SLC25A29: variants seen among roughly 807,000 people sequenced by gnomAD.
SLC25A29 encodes mitochondrial basic amino acids transporter.
In SLC25A29, 13 loss-of-function variants were observed where a neutral mutation model predicts 10.0. The observed-to-expected ratio is 1.30, with a 90% CI of 0.85 to 2.07. SLC25A29 has a LOEUF of 2.07. Among genes scored for constraint, SLC25A29 ranks in the 30% most tolerant of loss-of-function variants. The probability of loss-of-function intolerance (pLI) is 0.00; values close to 1 mark genes in which losing one functional copy is unlikely to be tolerated. For synonymous variants in SLC25A29, 244 were observed against 221.1 expected (o/e 1.10, Z -0.92); for missense variants, 475 against 447.6 (o/e 1.06, Z -0.55).
intron 1 of SLC25A29, 22 bp downstream of exon 1, chr14:100,306,167 CCCCGGCCCGG>C: frequency 1.4e-6 from 2 of 1,443,796 alleles, no homozygotes; most frequent in South Asian, 1.3e-5. Context: ...GGACGCCTCG[CCCCGGCCCGG>C]CCCGGCCCGC....
the SLC25A29 span, among the ~76,000 whole-genome samples, chr14:100,285,062 C>G: frequency 6.8e-6 from 1 of 147,328 alleles, no homozygotes. Flanking sequence ...GGCGGGGTAG[C>G]TAGGGAGGGA....
chr14:100,293,006 GC>G lies in SLC25A29; in HGVS notation c.188del (p.Gly63AlafsTer284). ...TGAAGGTGAGCCCCATGAGCGGCGA[GC>G]CCAGGCCCTTGTACAGGCCCAGCAC... is the stretch of plus-strand genomic sequence containing the variant. Reference protein sequence around the residue: ...ESVLGLYKGLGSPLMGLTFIN... With the variant: ...ESVLGLYKGLXSPLMGLTFIN... On this transcript the variant is annotated frameshift_variant, in exon 4 of 4. Coordinates refer to ENST00000359232, the MANE Select transcript of SLC25A29 (RefSeq NM_001039355.3). LOFTEE classifies it low-confidence loss of function (END_TRUNC). 6.3e-7 allele frequency: 1 copy of G among 1,578,036 alleles called. No homozygotes were observed. Among genetic ancestry groups the G allele is most frequent in the Non-Finnish European group, 8.6e-7 (1 of 1,163,396 alleles).
chr14:100,302,826 C>G (rs1059264), intron 1 of SLC25A29, among the ~76,000 whole-genome samples: 1 of 150,596 alleles, frequency 6.6e-6, no homozygotes, highest in Non-Finnish European at 1.5e-5. Context: ...TGTGGGAGGT[C>G]GCTGAGATTT....
At chr14:100,295,798 A>G in intron 2 of SLC25A29, 1 of 1,289,212 alleles carries the variant, frequency 7.8e-7, no homozygotes, top group Non-Finnish European at 1.0e-6. Flanking sequence ...TCCCCATCCC[A>G]TGCCCAGGGA....
At chr14:100,285,568 A>AGCC in the SLC25A29 span, among the ~76,000 whole-genome samples, 3 of 151,506 alleles carry the variant, frequency 2.0e-5, no homozygotes, top group Admixed American at 1.3e-4. Context: ...GGTCCCCGCG[A>AGCC]GCCGCCGCCG....
chr14:100,289,702 G>A (rs1019661203), downstream of SLC25A29, among the ~76,000 whole-genome samples: 1 of 151,880 alleles, frequency 6.6e-6, no homozygotes, highest in Admixed American at 6.6e-5. Flanking sequence ...CATTTGCCAG[G>A]TGTGGTGGTG....
intron 2 of SLC25A29, among the ~76,000 whole-genome samples, chr14:100,296,699 C>T (rs145714326): frequency 0.023 from 3,573 of 152,160 alleles, 83 homozygotes; most frequent in African/African-American, 0.062. Flanking sequence ...CCCGGATTCA[C>T]GCCATTCTCC....
Position 100,306,189 on chromosome 14 carries a change from G to A in SLC25A29, c.34+10C>T. The A allele has an allele frequency of 6.7e-7, 1 of 1,489,934 alleles. No individual in the cohort carries two copies. Among genetic ancestry groups the A allele is most frequent in the Non-Finnish European group, 8.9e-7 (1 of 1,126,590 alleles). 92.3% of individuals were successfully genotyped at this position (1,489,934 alleles called of 1,614,324 possible). A position where few individuals can be genotyped will look rare whatever the true frequency, so the allele number is the denominator to read the frequency against. ...TCGCCCCGGCCCGGCCCGGCCCGCC[G>A]CCTCCTTACCCCCCGCGCATCCAGC... On this transcript the variant is annotated intron_variant, in intron 1 of 3. Coordinates refer to ENST00000359232, the MANE Select transcript of SLC25A29 (RefSeq NM_001039355.3).
chr14:100,288,650 C>T (rs1891595064), downstream of SLC25A29, among the ~76,000 whole-genome samples: 3 of 151,434 alleles, frequency 2.0e-5, no homozygotes, highest in African/African-American at 7.3e-5. Flanking sequence ...CAGCTACAGC[C>T]TAGTGGTATC....
chr14:100,284,243 TCTC>T, the SLC25A29 span, among the ~76,000 whole-genome samples: 3 of 152,248 alleles, frequency 2.0e-5, no homozygotes, highest in Non-Finnish European at 2.9e-5. Context: ...TAGCTTGAAT[TCTC>T]CTCCAGTCCC....
At chr14:100,294,964 G>A (rs1431102617) in intron 2 of SLC25A29, 1 of 152,312 alleles carries the variant, frequency 6.6e-6, no homozygotes, top group Admixed American at 6.5e-5. Flanking sequence ...GGGGCCTCTG[G>A]GGGGATCTCT....
At position 100,292,938 on chromosome 14, in the gene SLC25A29, G is replaced by C. The variant is rs773118795; in HGVS notation, c.257C>G (p.Ala86Gly). ...VFGVQGNTLR[A>G]LGHDSPLNQF... ...GTTGAGGGGCGAGTCGTGGCCCAGG[G>C]CCCGGAGGGTGTTGCCCTGCACCCC... Residue 86 changes from alanine to glycine, a missense_variant, in exon 4 of 4, where the codon GCC becomes GGC. Transcript: ENST00000359232. 1 of 1,607,042 alleles carries C rather than the reference G, an allele frequency of 6.2e-7. No homozygotes were observed. Among genetic ancestry groups the C allele is most frequent in the Admixed American group, 1.7e-5 (1 of 59,484 alleles).
the SLC25A29 span, among the ~76,000 whole-genome samples, chr14:100,283,771 G>A: frequency 1.3e-5 from 2 of 152,118 alleles, no homozygotes; most frequent in East Asian, 3.8e-4. Flanking sequence ...GTGAACCACC[G>A]TGCCTGGCCT....
Position 100,293,051 on chromosome 14 carries a change from C to A in SLC25A29, c.163-19G>T. The A allele has an allele frequency of 1.3e-6, 2 of 1,512,612 alleles. No individual in the cohort carries two copies. Among genetic ancestry groups the A allele is most frequent in the Non-Finnish European group, 1.8e-6 (2 of 1,135,194 alleles). The allele number at this position is 1,512,612 out of a possible 1,614,324, so 93.7% of individuals were successfully genotyped here. ...CCAGCACCTGCGGGGACAGAGACGC[C>A]ATCAGAGCCGGCAACGCGCACCTCC... On this transcript the variant is annotated intron_variant, in intron 3 of 3. Transcript: ENST00000359232.
intron 1 of SLC25A29, chr14:100,299,623 A>G (rs1470064885): frequency 5.1e-6 from 5 of 985,624 alleles, no homozygotes; most frequent in Middle Eastern, 5.2e-4. Flanking sequence ...AATGGCTCAC[A>G]AACACTTCTC....
intron 1 of SLC25A29, among the ~76,000 whole-genome samples, chr14:100,302,516 C>T (rs1309093989): frequency 6.6e-6 from 1 of 152,008 alleles, no homozygotes; most frequent in Non-Finnish European, 1.5e-5. Context: ...CGTGCCACCA[C>T]ACCCAGTTAA....
At chr14:100,281,485 A>G in the SLC25A29 span, 1 of 152,162 alleles carries the variant, frequency 6.6e-6, no homozygotes, top group Non-Finnish European at 1.5e-5. Context: ...ACTGACAGTA[A>G]TGTGAGCGCA....
In SLC25A29 at chr14:100,292,827, T is replaced by C; in HGVS notation, c.368A>G (p.Gln123Arg). ...MELAKTRLQL[Q>R]DAGPARTYKG... ...GTAGGTGCGCGCTGGGCCCGCGTCC[T>C]GCAGCTGCAGCCGCGTCTTGGCCAG... Residue 123 changes from glutamine to arginine, a missense_variant, in exon 4 of 4, where the codon CAG (glutamine) becomes CGG (arginine). Transcript: ENST00000359232. 8 of 1,591,888 alleles carry C rather than the reference T, an allele frequency of 5.0e-6. No individual in the cohort carries two copies. The highest frequency in any genetic ancestry group is 1.7e-5 in the Admixed American group (1 of 57,518).
chr14:100,306,333 C>A lies in SLC25A29; in HGVS notation c.-101G>T. On this transcript the variant is annotated 5_prime_UTR_variant, in exon 1 of 4. Coordinates refer to ENST00000359232, the MANE Select transcript of SLC25A29 (RefSeq NM_001039355.3). Reference sequence around the variant, plus strand: ...GGTCCCCGAGCGCGCGGTGCCGGGGCTGGGCCTGGCCGCTCCTCCTGGCGC... The same window carrying A: ...GGTCCCCGAGCGCGCGGTGCCGGGGATGGGCCTGGCCGCTCCTCCTGGCGC... The A allele has an allele frequency of 2.5e-6, 3 of 1,180,972 alleles. No individual in the cohort carries two copies. Among genetic ancestry groups the A allele is most frequent in the Non-Finnish European group, 3.2e-6 (3 of 934,206 alleles). 73.2% of individuals were successfully genotyped at this position (1,180,972 alleles called of 1,614,324 possible).
Sources: allele counts gnomAD v4.1 joint callset (sites outside exome capture counted in the v4.1 genomes callset), GRCh38; gene constraint gnomAD v4.1.1; transcripts MANE v1.5; gene names NCBI Gene and HGNC (gene_info 2026-07-23, HGNC 2026-07-21).